The following GRK5 variants were observed in gnomAD, a reference collection of about 807,000 sequenced individuals.
GRK5 encodes the protein G protein-coupled receptor kinase 5.
Under a neutral mutation model 78.4 loss-of-function variants are expected in GRK5, and 40 were observed. The ratio of observed to expected loss-of-function variants is 0.51; its 90% confidence interval spans 0.40 to 0.66. The LOEUF is 0.66. Among genes scored for constraint, GRK5 ranks in the 30% least tolerant of loss-of-function variants. GRK5 has a pLI of 0.00. For synonymous variants in GRK5, 289 were observed against 296.8 expected (o/e 0.97, Z 0.27); for missense variants, 598 against 759.9 (o/e 0.79, Z 2.50).
At chr10:119,354,220 T>G (rs1242804940) in intron 2 of GRK5, among the ~76,000 whole-genome samples, 2 of 151,928 alleles carry the variant, frequency 1.3e-5, no homozygotes, top group Non-Finnish European at 2.9e-5. Flanking sequence ...TCACCTCTCA[T>G]AGTTACCTTT....
At position 119,232,159 on chromosome 10, in the gene GRK5, G is replaced by A. The variant is rs374599475; in HGVS notation, c.52+24190G>A. ...GGGAATCTATTCGGCCCTGAAGAAT[G>A]AAGTCTTGCCATTCGCAGCAACATG... is the stretch of plus-strand genomic sequence containing the variant. On this transcript the variant is annotated intron_variant, in intron 1 of 15. Transcript: ENST00000392870. 2.0e-5 allele frequency among the ~76,000 whole-genome samples: 3 copies of A among 152,336 alleles called. No homozygotes were observed. In the East Asian group the frequency reaches 5.8e-4, roughly 29 times the overall value.
intron 4 of GRK5, among the ~76,000 whole-genome samples, chr10:119,413,731 T>C (rs1852388176): frequency 6.6e-6 from 1 of 152,028 alleles, no homozygotes; most frequent in Admixed American, 6.5e-5. Flanking sequence ...CTCACAGTGT[T>C]GTTCTGGAGA....
intron 1 of GRK5, among the ~76,000 whole-genome samples, chr10:119,218,216 G>A (rs1189611427): frequency 6.6e-6 from 1 of 152,020 alleles, no homozygotes; most frequent in Non-Finnish European, 1.5e-5. Context: ...TGGTGGGAAG[G>A]CAGCCTGGTG....
chr10:119,222,057 G>A (rs540565872), intron 1 of GRK5, among the ~76,000 whole-genome samples: 1 of 152,238 alleles, frequency 6.6e-6, no homozygotes, highest in Non-Finnish European at 1.5e-5. Context: ...CTCTCACTGT[G>A]GATCATCAGC....
intron 3 of GRK5, among the ~76,000 whole-genome samples, chr10:119,394,868 G>A (rs1193079186): frequency 6.7e-6 from 1 of 149,850 alleles, no homozygotes; most frequent in Non-Finnish European, 1.5e-5. Context: ...TGTGCACTCA[G>A]GTTTAGGAGA....
chr10:119,261,192 C>CCGGG, intron 1 of GRK5, among the ~76,000 whole-genome samples: 1 of 149,066 alleles, frequency 6.7e-6, no homozygotes, highest in African/African-American at 2.5e-5. Context: ...GGGGCGGCTG[C>CCGGG]CGGGCGGAGG....
intron 1 of GRK5, among the ~76,000 whole-genome samples, chr10:119,276,312 CATT>C (rs1008069602): frequency 1.3e-5 from 2 of 151,966 alleles, no homozygotes; most frequent in Non-Finnish European, 2.9e-5. Context: ...TATGTGTTCT[CATT>C]GTTCAATTCC....
chr10:119,310,153 A>G (rs1564885920), intron 1 of GRK5, among the ~76,000 whole-genome samples: 1 of 152,230 alleles, frequency 6.6e-6, no homozygotes, highest in Non-Finnish European at 1.5e-5. Flanking sequence ...TCTTTGAAAT[A>G]GGGGATGCAA....
chr10:119,260,983 C>A (rs1343130003), intron 1 of GRK5, among the ~76,000 whole-genome samples: 2 of 144,562 alleles, frequency 1.4e-5, no homozygotes, highest in Middle Eastern at 8.1e-3. Flanking sequence ...TAGGGGCGGC[C>A]GGGCAGAGGC....
chr10:119,318,559 T>C (rs1313533060), intron 1 of GRK5, among the ~76,000 whole-genome samples: 3 of 152,146 alleles, frequency 2.0e-5, no homozygotes, highest in Non-Finnish European at 2.9e-5. Context: ...AGGAGGGGGC[T>C]GGGCTGGCAG....
chr10:119,372,605 CAT>C (rs1166619381), intron 2 of GRK5, among the ~76,000 whole-genome samples: 12 of 152,298 alleles, frequency 7.9e-5, no homozygotes, highest in African/African-American at 2.6e-4. Flanking sequence ...GGGTAAATCT[CAT>C]AGCTTCAGGT....
intron 1 of GRK5, among the ~76,000 whole-genome samples, chr10:119,210,755 TAA>T (rs1253949642): frequency 2.0e-5 from 3 of 152,190 alleles, no homozygotes; most frequent in African/African-American, 7.2e-5. Flanking sequence ...GGCTTTCAAG[TAA>T]AAGTCACATT....
intron 1 of GRK5, among the ~76,000 whole-genome samples, chr10:119,314,017 C>T (rs1260040530): frequency 6.6e-6 from 1 of 152,242 alleles, no homozygotes; most frequent in Admixed American, 6.5e-5. Context: ...CAAGACATTT[C>T]AGACACTCAT....
At chr10:119,363,582 C>T (rs1157022820) in intron 2 of GRK5, among the ~76,000 whole-genome samples, 1 of 152,192 alleles carries the variant, frequency 6.6e-6, no homozygotes, top group Non-Finnish European at 1.5e-5. Context: ...GCTATGGAAA[C>T]TCTGTCTGCA....
chr10:119,450,908 C>T (rs1323666187), intron 13 of GRK5, among the ~76,000 whole-genome samples: 2 of 151,926 alleles, frequency 1.3e-5, no homozygotes, highest in Admixed American at 6.6e-5. Context: ...GGGACTTTGC[C>T]TTTTCCCCAC....
intron 3 of GRK5, among the ~76,000 whole-genome samples, chr10:119,395,624 C>T (rs966866258): frequency 6.6e-6 from 1 of 152,194 alleles, no homozygotes; most frequent in Non-Finnish European, 1.5e-5. Context: ...CTTACTCAGG[C>T]TTTTTATTGA....
intron 2 of GRK5, among the ~76,000 whole-genome samples, chr10:119,361,355 C>T (rs1268988317): frequency 1.3e-5 from 2 of 152,204 alleles, no homozygotes; most frequent in African/African-American, 2.4e-5. Context: ...GGGGAGGCCT[C>T]GAGGCCATCA....
At chr10:119,226,880 A>G (rs941995939) in intron 1 of GRK5, among the ~76,000 whole-genome samples, 1 of 151,052 alleles carries the variant, frequency 6.6e-6, no homozygotes, top group African/African-American at 2.4e-5. Flanking sequence ...TTCTTTTGAG[A>G]TGGTGTCTTG....
chr10:119,393,660 A>T (rs79214115), intron 3 of GRK5, among the ~76,000 whole-genome samples: 3,851 of 152,286 alleles, frequency 0.025, 82 homozygotes, highest in Non-Finnish European at 0.043. Context: ...CATTCTGGAA[A>T]ACAGCAGGCA....
Sources: gnomAD v4.1 joint callset for allele counts (sites outside exome capture counted in the v4.1 genomes callset) on GRCh38, gnomAD v4.1.1 for gene constraint, MANE v1.5 for transcripts, NCBI Gene and HGNC (gene_info 2026-07-23, HGNC 2026-07-21) for gene names.